MAP3K15: variants seen among roughly 807,000 people sequenced by gnomAD.
MAP3K15 encodes the protein MAPK/ERK kinase kinase 15.
MAP3K15 carries 124 observed loss-of-function variants against 99.5 expected under a neutral mutation model. The observed-to-expected ratio is 1.25, with a 90% CI of 1.08 to 1.45. The LOEUF is 1.45. Among genes scored for constraint, MAP3K15 ranks in the 40% most tolerant of loss-of-function variants. MAP3K15 has a pLI of 0.00. For synonymous variants in MAP3K15, 494 were observed against 439.6 expected (o/e 1.12, Z -1.55); for missense variants, 1,242 against 1,079.7 (o/e 1.15, Z -2.11).
At chrX:19,459,932 C>CA (rs2064119211) in intron 5 of MAP3K15, 53 bp downstream of exon 5, 1 of 1,005,658 alleles carries the variant, frequency 9.9e-7, no homozygotes, top group African/African-American at 1.9e-5. Flanking sequence ...AGACGTTCCT[C>CA]AAGCCAAGGA....
At chrX:19,423,046 G>C (rs987406423) in intron 9 of MAP3K15, among the ~76,000 whole-genome samples, 2 of 107,706 alleles carry the variant, frequency 1.9e-5, no homozygotes, top group African/African-American at 6.8e-5. Context: ...GGGCGGGGGA[G>C]GGTTAGCATT....
chrX:19,489,561 G>C (rs759849207), intron 1 of MAP3K15, among the ~76,000 whole-genome samples: 1 of 111,128 alleles, frequency 9.0e-6, no homozygotes, highest in African/African-American at 3.3e-5. Context: ...TCATGAGGAT[G>C]GAGGCCTCAT....
chrX:19,374,570 G>A lies in MAP3K15; in HGVS notation c.2680C>T (p.His894Tyr). The A allele has an allele frequency of 4.1e-6, 5 of 1,211,453 alleles. No homozygotes were observed. The highest frequency in any genetic ancestry group is 5.6e-6 in the Non-Finnish European group (5 of 895,228). ...AGCTCAGCAGTGGTGGCACGTTTGT[G>A]GGGGTCAGGCTCGAAACAGGATAAA... ...FILSCFEPDPHKRATTAELLR... is the reference protein window; with the variant it reads ...FILSCFEPDPYKRATTAELLR... The change falls in exon 20 of 29, where the codon CAC becomes TAC. Residue 894 changes from histidine (H) to tyrosine (Y), a missense_variant. Physicochemically the swap from His to Tyr is moderately conservative, Grantham distance 83. Coordinates refer to ENST00000338883, the MANE Select transcript of MAP3K15 (RefSeq NM_001001671.4).
Position 19,360,724 on chromosome X carries a change from TCTGCCACAGCTTAG to T in MAP3K15, c.*11_*24del. The T allele has an allele frequency of 8.6e-7, 1 of 1,156,391 alleles. No individual in the cohort carries two copies. Among genetic ancestry groups the T allele is most frequent in the Non-Finnish European group, 1.2e-6 (1 of 847,539 alleles). On this transcript the variant is annotated 3_prime_UTR_variant, in exon 29 of 29. Coordinates refer to ENST00000338883, the MANE Select transcript of MAP3K15 (RefSeq NM_001001671.4). Reference sequence around the variant, plus strand: ...CAAAACATGTAGCGTGGTGGGACACTCTGCCACAGCTTAGCTGATTGGTATCAAGCCTTGTCTTT... The same window carrying T: ...CAAAACATGTAGCGTGGTGGGACACTCTGATTGGTATCAAGCCTTGTCTTT...
chrX:19,477,208 T>C (rs1171889342), intron 3 of MAP3K15, among the ~76,000 whole-genome samples: 1 of 110,965 alleles, frequency 9.0e-6, no homozygotes, highest in Admixed American at 9.6e-5. Context: ...ACATTGGCCC[T>C]GTGAAATCTG....
intron 1 of MAP3K15, among the ~76,000 whole-genome samples, chrX:19,508,901 T>A (rs772274780): frequency 8.1e-5 from 9 of 111,659 alleles, no homozygotes; most frequent in African/African-American, 2.9e-4. Context: ...AATCTATATA[T>A]ATGTACAAAA....
intron 18 of MAP3K15, among the ~76,000 whole-genome samples, chrX:19,380,618 C>T (rs1184440689): frequency 4.5e-5 from 5 of 111,578 alleles, no homozygotes; most frequent in African/African-American, 9.8e-5. Context: ...CTCCGCCTCC[C>T]GGGTTCAAGC....
At chrX:19,379,733 C>T (rs1384466322) in intron 19 of MAP3K15, among the ~76,000 whole-genome samples, 2 of 111,191 alleles carry the variant, frequency 1.8e-5, no homozygotes, top group East Asian at 2.8e-4. Flanking sequence ...TGAGCCACCG[C>T]GCCCGGCCTA....
At chrX:19,491,643 G>A (rs1396273952) in intron 1 of MAP3K15, among the ~76,000 whole-genome samples, 1 of 110,881 alleles carries the variant, frequency 9.0e-6, no homozygotes, top group Non-Finnish European at 1.9e-5. Context: ...GTGGAGGGCT[G>A]GACCTTCCTT....
At chrX:19,433,885 T>G (rs1168834632) in intron 6 of MAP3K15, among the ~76,000 whole-genome samples, 1 of 111,578 alleles carries the variant, frequency 9.0e-6, no homozygotes, top group Non-Finnish European at 1.9e-5. Flanking sequence ...ATGACTCAGA[T>G]GTCCATTAAC....
chrX:19,445,223 G>A (rs1021839399), intron 6 of MAP3K15, among the ~76,000 whole-genome samples: 2 of 110,055 alleles, frequency 1.8e-5, no homozygotes, highest in East Asian at 2.8e-4. Flanking sequence ...CCCCAAATTC[G>A]TATCTCAGGG....
chrX:19,489,048 G>GATGAAGTAGACAGATCATCTCCCCTAAT, intron 1 of MAP3K15, 81 bp from the exon 2 acceptor site: 1 of 917,713 alleles, frequency 1.1e-6, no homozygotes, highest in Non-Finnish European at 1.5e-6. Context: ...CCAGTGAGGA[G>GATGAAGTAGACAGATCATCTCCCCTAAT]CTATAGCAAT....
chrX:19,461,098 G>C (rs1018544964), intron 4 of MAP3K15, among the ~76,000 whole-genome samples: 50 of 112,054 alleles, frequency 4.5e-4, no homozygotes, highest in Middle Eastern at 4.6e-3. Context: ...TCTTGCCTCA[G>C]CCTCCTGAGT....
chrX:19,437,427 G>T lies in MAP3K15; in HGVS notation c.996-5819C>A, dbSNP rs192141707. On this transcript the variant is annotated intron_variant, in intron 6 of 28. Coordinates refer to ENST00000338883, the MANE Select transcript of MAP3K15 (RefSeq NM_001001671.4). ...TCCAACCTCATCTCTTACCACTCCT[G>T]TGCCCCGATCACCTACTATGCTCCA... Among the ~76,000 whole-genome samples the T allele has an allele frequency of 3.6e-5, 4 of 111,395 alleles. No homozygotes were observed. The South Asian group carries it at 1.5e-3, about 42-fold the overall frequency.
intron 1 of MAP3K15, among the ~76,000 whole-genome samples, chrX:19,511,536 CATTT>C: frequency 9.0e-6 from 1 of 111,660 alleles, no homozygotes; most frequent in South Asian, 3.7e-4. Flanking sequence ...CAAAAGAAGA[CATTT>C]ATGTGGCAAA....
chrX:19,450,384 TAAAG>T (rs1204948093), intron 6 of MAP3K15, among the ~76,000 whole-genome samples: 6 of 108,048 alleles, frequency 5.6e-5, no homozygotes, highest in Non-Finnish European at 7.8e-5. Flanking sequence ...ACGAAAAAAA[TAAAG>T]AAAGCTGGCA....
intron 1 of MAP3K15, among the ~76,000 whole-genome samples, chrX:19,508,330 C>T (rs1325463570): frequency 9.0e-6 from 1 of 110,747 alleles, no homozygotes; most frequent in Non-Finnish European, 1.9e-5. Context: ...CGCCACCACG[C>T]CTGGCTAATT....
At chrX:19,393,973 C>T (rs185007852) in intron 16 of MAP3K15, among the ~76,000 whole-genome samples, 177 of 108,623 alleles carry the variant, frequency 1.6e-3, no homozygotes, top group African/African-American at 5.7e-3. Flanking sequence ...GGGGTTTCTC[C>T]ATGTTGGCCA....
At chrX:19,479,307 T>C (rs1386341481) in intron 3 of MAP3K15, among the ~76,000 whole-genome samples, 2 of 110,857 alleles carry the variant, frequency 1.8e-5, no homozygotes, top group African/African-American at 6.6e-5. Flanking sequence ...GAAGGACAAA[T>C]GGAGGAACAT....
Sources: gnomAD v4.1 joint callset for allele counts (sites outside exome capture counted in the v4.1 genomes callset) on GRCh38, gnomAD v4.1.1 for gene constraint, MANE v1.5 for transcripts, NCBI Gene and HGNC (gene_info 2026-07-23, HGNC 2026-07-21) for gene names.